Variants in DKK2 observed in about 807,000 individuals in gnomAD.
The protein encoded by DKK2 is dickkopf Wnt signaling pathway inhibitor 2.
DKK2 carries 11 observed loss-of-function variants against 28.1 expected under a neutral mutation model. The observed-to-expected ratio is 0.39, with a 90% CI of 0.25 to 0.65. The LOEUF (loss-of-function observed/expected upper bound fraction) is 0.65, where lower values mean the gene tolerates loss of function less well. Among genes scored for constraint, DKK2 ranks in the 30% least tolerant of loss-of-function variants. The pLI, the probability that DKK2 is intolerant of heterozygous loss-of-function variation, is 0.47. For synonymous variants in DKK2, 135 were observed against 126.5 expected, an observed-to-expected ratio of 1.07 and a Z score of -0.45; for missense variants, 326 against 335.5, an observed-to-expected ratio of 0.97 and a Z score of 0.22.
intron 1 of DKK2, among the ~76,000 whole-genome samples, chr4:107,005,832 G>A (rs1048730520): frequency 6.6e-6 from 1 of 152,050 alleles, no homozygotes; most frequent in Non-Finnish European, 1.5e-5. Flanking sequence ...TTCTTCCACT[G>A]CATAAGCTAC....
chr4:106,952,926 C>G (rs1018084968), intron 1 of DKK2, among the ~76,000 whole-genome samples: 1 of 152,048 alleles, frequency 6.6e-6, no homozygotes, highest in Non-Finnish European at 1.5e-5. Flanking sequence ...TTCATCTTCC[C>G]CTCGTATGTT....
At position 107,023,885 on chromosome 4, in the gene DKK2, A is replaced by G. The variant is rs78634723; in HGVS notation, c.222+11485T>C. Among the ~76,000 whole-genome samples the G allele has an allele frequency of 8.1e-3, 1,239 of 152,256 alleles. 11 individuals carry two copies. Among genetic ancestry groups the G allele is most frequent in the African/African-American group, 0.026 (1,100 of 41,560 alleles). On this transcript the variant is annotated intron_variant, in intron 1 of 3. Coordinates refer to ENST00000285311, the MANE Select transcript of DKK2 (RefSeq NM_014421.3). Reference sequence around the variant, plus strand: ...ATTTTGCCCTTATATTATTATATGTATATGTATTATGTTACCACTCTGAGA... The same window carrying G: ...ATTTTGCCCTTATATTATTATATGTGTATGTATTATGTTACCACTCTGAGA...
intron 1 of DKK2, among the ~76,000 whole-genome samples, chr4:107,024,806 T>C (rs1723748408): frequency 6.6e-6 from 1 of 152,168 alleles, no homozygotes; most frequent in Non-Finnish European, 1.5e-5. Context: ...TTTTAAAAAA[T>C]AGGCTAACAA....
chr4:107,030,345 A>G (rs1723858084), intron 1 of DKK2, among the ~76,000 whole-genome samples: 1 of 152,094 alleles, frequency 6.6e-6, no homozygotes, highest in Non-Finnish European at 1.5e-5. Context: ...TAGTAATACT[A>G]AATTTTTCTT....
At chr4:107,017,027 G>A (rs1167863525) in intron 1 of DKK2, among the ~76,000 whole-genome samples, 1 of 151,920 alleles carries the variant, frequency 6.6e-6, no homozygotes, top group East Asian at 1.9e-4. Flanking sequence ...ACTAGAGATG[G>A]TGAGGACGAA....
intron 1 of DKK2, among the ~76,000 whole-genome samples, chr4:107,017,419 C>A (rs946432747): frequency 1.3e-5 from 2 of 151,910 alleles, no homozygotes; most frequent in African/African-American, 4.8e-5. Context: ...GTGGGTTTTA[C>A]TAATTGAGAC....
intron 1 of DKK2, among the ~76,000 whole-genome samples, chr4:107,015,829 T>C (rs1723594351): frequency 6.6e-6 from 1 of 151,670 alleles, no homozygotes; most frequent in Non-Finnish European, 1.5e-5. Context: ...GTTAATGGGG[T>C]CACAGAATGA....
Position 106,923,236 on chromosome 4 carries a change from G to A in DKK2, c.*718C>T, listed in dbSNP as rs1483748751. 7 of 152,026 alleles carry A rather than the reference G, an allele frequency of 4.6e-5. No individual in the cohort carries two copies. Among genetic ancestry groups the A allele is most frequent in the Admixed American group, 4.6e-4 (7 of 15,250 alleles). 9.4% of individuals were successfully genotyped at this position (152,026 alleles called of 1,614,324 possible). A position where few individuals can be genotyped will look rare whatever the true frequency, so the allele number is the denominator to read the frequency against. The stretch of plus-strand genomic sequence containing the variant: ...AATCTGAAGGAACTGTTTTTGTCTT[G>A]TATCAGTTCTTATTAATTACAGGTA... On this transcript the variant is annotated 3_prime_UTR_variant, in exon 4 of 4. Coordinates refer to ENST00000285311, the MANE Select transcript of DKK2 (RefSeq NM_014421.3).
chr4:106,953,844 T>C (rs1444556589), intron 1 of DKK2, among the ~76,000 whole-genome samples: 2 of 152,184 alleles, frequency 1.3e-5, no homozygotes, highest in Non-Finnish European at 2.9e-5. Context: ...TTTCTATTCA[T>C]TTACTTTATA....
chr4:106,997,079 A>T (rs527874808), intron 1 of DKK2, among the ~76,000 whole-genome samples: 5 of 152,026 alleles, frequency 3.3e-5, no homozygotes, highest in Admixed American at 6.5e-5. Flanking sequence ...ATTTTTTTTT[A>T]AAGAAATCTA....
At chr4:107,032,593 A>G (rs1723891263) in intron 1 of DKK2, among the ~76,000 whole-genome samples, 1 of 152,126 alleles carries the variant, frequency 6.6e-6, no homozygotes, top group Non-Finnish European at 1.5e-5. Context: ...GCTATTTTCA[A>G]CATCCATTTA....
intron 1 of DKK2, among the ~76,000 whole-genome samples, chr4:106,962,975 G>A (rs916278161): frequency 3.9e-5 from 6 of 152,016 alleles, no homozygotes; most frequent in African/African-American, 1.2e-4. Flanking sequence ...TAGGGGAATC[G>A]CTTGAAACTG....
At chr4:106,990,527 G>T (rs1032585904) in intron 1 of DKK2, among the ~76,000 whole-genome samples, 1 of 152,170 alleles carries the variant, frequency 6.6e-6, no homozygotes, top group African/African-American at 2.4e-5. Context: ...CTAGCTCCAT[G>T]CTGGTAACTT....
chr4:106,989,893 C>T (rs924979722), intron 1 of DKK2, among the ~76,000 whole-genome samples: 4 of 152,084 alleles, frequency 2.6e-5, no homozygotes, highest in Non-Finnish European at 5.9e-5. Flanking sequence ...CTAGTAAACA[C>T]ATTTAAAAGT....
intron 1 of DKK2, among the ~76,000 whole-genome samples, chr4:106,948,353 T>C (rs1330745119): frequency 3.3e-5 from 5 of 152,160 alleles, no homozygotes; most frequent in African/African-American, 1.2e-4. Flanking sequence ...TACCAATGTT[T>C]CTGATCCAGA....
chr4:106,955,868 C>A (rs1048551981), intron 1 of DKK2, among the ~76,000 whole-genome samples: 1 of 152,080 alleles, frequency 6.6e-6, no homozygotes, highest in African/African-American at 2.4e-5. Context: ...CCTCTCACGC[C>A]CTCCTCCTGC....
chr4:106,964,620 C>T (rs1722741069), intron 1 of DKK2, among the ~76,000 whole-genome samples: 1 of 151,912 alleles, frequency 6.6e-6, no homozygotes. Context: ...TCACATGTGC[C>T]CTATAATCAA....
chr4:106,985,006 G>C (rs181500473), intron 1 of DKK2, among the ~76,000 whole-genome samples: 2 of 152,170 alleles, frequency 1.3e-5, no homozygotes, highest in Admixed American at 1.3e-4. Flanking sequence ...TCAGGAGAGA[G>C]AGACCATCCT....
At chr4:106,969,942 G>A (rs1179155034) in intron 1 of DKK2, among the ~76,000 whole-genome samples, 1 of 151,840 alleles carries the variant, frequency 6.6e-6, no homozygotes, top group Non-Finnish European at 1.5e-5. Context: ...AGTAAAAGAG[G>A]GACTCTTAAT....
Sources: gnomAD v4.1 joint callset for allele counts (sites outside exome capture counted in the v4.1 genomes callset) on GRCh38, gnomAD v4.1.1 for gene constraint, MANE v1.5 for transcripts, NCBI Gene and HGNC (gene_info 2026-07-23, HGNC 2026-07-21) for gene names.